The following ADCY7 variants were observed in gnomAD, a reference collection of about 807,000 sequenced individuals.
ADCY7 encodes the protein adenylate cyclase type 7.
A neutral mutation model predicts 120.6 loss-of-function variants in ADCY7; 72 were observed. The observed-to-expected ratio is 0.60, with a 90% CI of 0.49 to 0.73. The LOEUF (loss-of-function observed/expected upper bound fraction) is 0.73, where lower values mean the gene tolerates loss of function less well. Ranked by LOEUF, ADCY7 falls within the 30% of genes least tolerant of loss-of-function variation. The pLI is 0.00. For missense variants in ADCY7, 1,227 were observed against 1,486.0 expected (o/e 0.83, Z 2.87); for synonymous variants, 661 against 628.0 (o/e 1.05, Z -0.78).
chr16:50,310,866 C>T lies in ADCY7; in HGVS notation c.2340C>T (p.Pro780=). 6.2e-7 allele frequency: 1 copy of T among 1,606,486 alleles called. No individual in the cohort carries two copies. The highest frequency in any genetic ancestry group is 8.5e-7 in the Non-Finnish European group (1 of 1,176,954). The change falls in exon 19 of 26, where the codon CCC becomes CCT. Residue 780 remains proline, a synonymous_variant. Coordinates refer to ENST00000673801, the MANE Select transcript of ADCY7 (RefSeq NM_001114.5). The part of the protein sequence containing the change: ...CGQGLGNLTK[P]NGTTSGTPSC... ...AAGGCCTGGGCAACCTCACCAAGCC[C>T]AACGGCACCACCAGGTGGGGTCCCG...
upstream of ADCY7, among the ~76,000 whole-genome samples, chr16:50,261,620 G>C (rs1336162500): frequency 6.6e-6 from 1 of 152,182 alleles, no homozygotes; most frequent in Admixed American, 6.5e-5. Flanking sequence ...TGCCTTGTCG[G>C]CATTTCTCAC....
chr16:50,272,224 A>G (rs1238446740), intron 1 of ADCY7, among the ~76,000 whole-genome samples: 2 of 152,140 alleles, frequency 1.3e-5, no homozygotes, highest in African/African-American at 4.8e-5. Context: ...AGGTACCTGC[A>G]GTGGGTGATG....
In ADCY7 at chr16:50,312,282, G is replaced by A. The variant is rs1460236543; in HGVS notation, c.2604+91G>A. 2.0e-6 allele frequency: 3 copies of A among 1,466,424 alleles called. No individual in the cohort carries two copies. The African/African-American group carries it at 4.2e-5, about 20-fold the overall frequency. 90.8% of individuals were successfully genotyped at this position (1,466,424 alleles called of 1,614,324 possible). ...AAGGTGTGGAGCTGGAGTGCATGCT[G>A]AGCTTGGCTTCCTCAGGTCCTGGCC... On this transcript the variant is annotated intron_variant, in intron 21 of 25. Transcript: ENST00000673801.
At chr16:50,273,479 G>A (rs956942617) in intron 1 of ADCY7, among the ~76,000 whole-genome samples, 3 of 152,228 alleles carry the variant, frequency 2.0e-5, no homozygotes, top group African/African-American at 7.2e-5. Context: ...TGTAGCAGCA[G>A]CAGTGCCTGC....
Position 50,291,744 on chromosome 16 carries a change from C to T in ADCY7, c.384C>T (p.Phe128=), listed in dbSNP as rs2034985290. The T allele has an allele frequency of 1.9e-6, 3 of 1,614,090 alleles. No individual in the cohort carries two copies. The highest frequency in any genetic ancestry group is 1.7e-6 in the Non-Finnish European group (2 of 1,179,996). ...KAACAWEQVP[F]FLFIVFVVYT... The stretch of plus-strand genomic sequence containing the variant: ...CCAGGCTGCATCCACAGGTGCCCTT[C>T]TTCCTGTTCATTGTCTTCGTGGTGT... Residue 128 remains phenylalanine, a synonymous_variant, in exon 4 of 26, where the codon TTC becomes TTT. Transcript: ENST00000673801.
At chr16:50,311,903 T>A (rs2036506806) in intron 20 of ADCY7, 117 bp downstream of exon 20, 2 of 1,458,388 alleles carry the variant, frequency 1.4e-6, no homozygotes, top group Non-Finnish European at 1.9e-6. Flanking sequence ...ACTAGAGTCC[T>A]GCCAGGAAAG....
At chr16:50,249,774 A>ATC (rs1352947881) in intron 1 of ADCY7, among the ~76,000 whole-genome samples, 1 of 152,228 alleles carries the variant, frequency 6.6e-6, no homozygotes, top group Non-Finnish European at 1.5e-5. Context: ...GGTGGTGGGC[A>ATC]TCTGGCCAGG....
chr16:50,301,791 G>C (rs2035738904), intron 10 of ADCY7: 1 of 154,512 alleles, frequency 6.5e-6, no homozygotes, highest in Non-Finnish European at 1.4e-5. Context: ...GGCACGTCTG[G>C]CCACTTCTCT....
In ADCY7 at chr16:50,260,893, C is replaced by T. The variant is rs899113145; in HGVS notation, c.-64+14690C>T. ...TGAGATCTTTCATGATCTCAGAAGC[C>T]GCATATTGTGGTTTCCACGATATTT... On this transcript the variant is annotated intron_variant, in intron 1 of 4. Coordinates refer to the ADCY7 transcript ENST00000564044. Among the ~76,000 whole-genome samples the T allele has an allele frequency of 4.5e-4, 69 of 152,222 alleles. 1 individual carries two copies. The highest frequency in any genetic ancestry group is 6.5e-4 in the African/African-American group (27 of 41,548).
At chr16:50,290,914 G>A (rs2034911018) in intron 3 of ADCY7, among the ~76,000 whole-genome samples, 1 of 152,188 alleles carries the variant, frequency 6.6e-6, no homozygotes, top group Non-Finnish European at 1.5e-5. Context: ...GCTCAAAGAG[G>A]CAAAAAGGCA....
Position 50,311,756 on chromosome 16 carries a change from C to T in ADCY7, c.2418C>T (p.Phe806=), listed in dbSNP as rs71384555. 6.7e-7 allele frequency: 1 copy of T among 1,495,438 alleles called. No homozygotes were observed. The highest frequency in any genetic ancestry group is 9.1e-7 in the Non-Finnish European group (1 of 1,104,248). The allele number at this position is 1,495,438 out of a possible 1,614,324, so 92.6% of individuals were successfully genotyped here. A position where few individuals can be genotyped will look rare whatever the true frequency, so the allele number is the denominator to read the frequency against. ...KTMTNFYLVL[F]YITLLTLSRQ... ...TGACCAATTTCTACCTGGTCCTGTT[C>T]TACATCACCCTGCTTACACTCTCCA... Residue 806 remains phenylalanine, a synonymous_variant, in exon 20 of 26, where the codon TTC becomes TTT. Coordinates refer to ENST00000673801, the MANE Select transcript of ADCY7 (RefSeq NM_001114.5).
Position 50,308,399 on chromosome 16 carries a change from C to T in ADCY7, c.1923C>T (p.Ala641=), listed in dbSNP as rs757639595. 60 of 1,614,052 alleles carry T rather than the reference C, an allele frequency of 3.7e-5. No homozygotes were observed. The South Asian group carries it at 4.4e-4, about 12-fold the overall frequency. ...VLGLVLGLCF[A]TKFSRCCPAR... Reference sequence around the variant, plus strand: ...GGCTGGTGCTGGGCCTGTGCTTTGCCACCAAGTTCTCGGTAAGTGGGGAGC... The same window carrying T: ...GGCTGGTGCTGGGCCTGTGCTTTGCTACCAAGTTCTCGGTAAGTGGGGAGC... The change falls in exon 16 of 26, where the codon GCC becomes GCT. Residue 641 remains alanine, a synonymous_variant. Coordinates refer to ENST00000673801, the MANE Select transcript of ADCY7 (RefSeq NM_001114.5).
chr16:50,292,688 G>A lies in ADCY7; in HGVS notation c.550G>A (p.Ala184Thr), dbSNP rs754927240. 2.2e-5 allele frequency: 35 copies of A among 1,613,678 alleles called. No individual in the cohort carries two copies. Among genetic ancestry groups the A allele is most frequent in the Non-Finnish European group, 2.5e-5 (30 of 1,179,934 alleles). The change falls in exon 5 of 26, where the codon GCA becomes ACA. Residue 184 changes from alanine to threonine, a missense_variant. This residue lies in a region of ADCY7 where 382 missense variants were observed against 411.4 expected (regional missense o/e 0.93). Coordinates refer to ENST00000673801, the MANE Select transcript of ADCY7 (RefSeq NM_001114.5). The stretch of plus-strand genomic sequence containing the variant: ...TGTCTACCCGCAGCTGCTGGCCAAC[G>A]CAGTCATCTTCCTGTGTGGGAACCT... Reference protein sequence around the residue: ...VRVGLQLLANAVIFLCGNLTG... With the variant: ...VRVGLQLLANTVIFLCGNLTG...
chr16:50,272,707 C>G (rs1335311875), intron 1 of ADCY7, among the ~76,000 whole-genome samples: 2 of 152,138 alleles, frequency 1.3e-5, no homozygotes, highest in East Asian at 1.9e-4. Flanking sequence ...GGTCTCCCTC[C>G]TCCTGGGCAT....
At chr16:50,312,484 A>G (rs963134837) in intron 21 of ADCY7, among the ~76,000 whole-genome samples, 1 of 152,168 alleles carries the variant, frequency 6.6e-6, no homozygotes, top group Non-Finnish European at 1.5e-5. Context: ...CGAGGATGAA[A>G]TGTGTGTTCA....
At chr16:50,299,422 G>A (rs2035568824) in intron 8 of ADCY7, among the ~76,000 whole-genome samples, 1 of 152,248 alleles carries the variant, frequency 6.6e-6, no homozygotes, top group Non-Finnish European at 1.5e-5. Flanking sequence ...CCCCAGTGAA[G>A]ATCCTGGAGT....
chr16:50,313,923 T>C (rs1489157523), intron 22 of ADCY7, 35 bp from the exon 23 acceptor site: 1 of 1,571,044 alleles, frequency 6.4e-7, no homozygotes, highest in Non-Finnish European at 8.7e-7. Flanking sequence ...GGCTATGGAG[T>C]GGCGGCTGCT....
chr16:50,255,698 C>T (rs893100811), intron 1 of ADCY7, among the ~76,000 whole-genome samples: 11 of 152,148 alleles, frequency 7.2e-5, no homozygotes, highest in Non-Finnish European at 1.3e-4. Flanking sequence ...CAACATGCTG[C>T]CCAGGCTGGT....
chr16:50,253,024 G>A (rs1030333307), intron 1 of ADCY7, among the ~76,000 whole-genome samples: 1 of 152,108 alleles, frequency 6.6e-6, no homozygotes, highest in Non-Finnish European at 1.5e-5. Flanking sequence ...CCCAGGCTTT[G>A]GGTGTGGAGT....
Sources: allele counts gnomAD v4.1 joint callset (sites outside exome capture counted in the v4.1 genomes callset), GRCh38; gene constraint gnomAD v4.1.1; regional missense constraint gnomAD v4.1.1; transcripts MANE v1.5; gene names NCBI Gene and HGNC (gene_info 2026-07-23, HGNC 2026-07-21).